Variants in TTLL11 observed in about 807,000 individuals in gnomAD.
The protein encoded by TTLL11 is tubulin tyrosine ligase like 11, also known as tubulin polyglutamylase TTLL11.
In TTLL11, 42 loss-of-function variants were observed where a neutral mutation model predicts 51.7. That is an observed-to-expected ratio of 0.81 (90% CI 0.64 to 1.05). TTLL11 has a LOEUF of 1.05. TTLL11 is among the 50% of genes least tolerant of loss of function. The pLI is 0.00. For missense variants in TTLL11, 799 were observed against 940.4 expected (o/e 0.85, Z 1.97); for synonymous variants, 381 against 383.5 (o/e 0.99, Z 0.08).
Position 121,864,541 on chromosome 9 carries a change from T to C in TTLL11, c.1734-4098A>G, listed in dbSNP as rs115787982. 9.3e-3 allele frequency among the ~76,000 whole-genome samples: 1,421 copies of C among 152,278 alleles called. 10 individuals carry two copies. Among genetic ancestry groups the C allele is most frequent in the African/African-American group, 0.014 (569 of 41,560 alleles). On this transcript the variant is annotated intron_variant, in intron 7 of 8. Coordinates refer to ENST00000321582, the MANE Select transcript of TTLL11 (RefSeq NM_001139442.2). ...GTAACCTTGTGCAGGTCATGGAAGC[T>C]CTCTGCGTCTACATTAGGAAATTTC...
chr9:121,996,762 T>C (rs1843280491), intron 3 of TTLL11, among the ~76,000 whole-genome samples: 1 of 152,258 alleles, frequency 6.6e-6, no homozygotes, highest in South Asian at 2.1e-4. Flanking sequence ...TTGGAATAAG[T>C]ACTCTCTTTC....
intron 6 of TTLL11, among the ~76,000 whole-genome samples, chr9:121,879,186 G>T (rs1205326515): frequency 6.6e-6 from 1 of 152,046 alleles, no homozygotes; most frequent in Non-Finnish European, 1.5e-5. Context: ...CATCTCAAGG[G>T]GCCCACTGTC....
chr9:121,963,502 A>G (rs565849582), intron 6 of TTLL11: 7 of 152,372 alleles, frequency 4.6e-5, no homozygotes, highest in Admixed American at 3.9e-4. Context: ...GGAAGGGCCC[A>G]CAAAGAATTC....
chr9:122,044,252 C>CT (rs1276112299), intron 1 of TTLL11, among the ~76,000 whole-genome samples: 1 of 151,930 alleles, frequency 6.6e-6, no homozygotes, highest in East Asian at 1.9e-4. Context: ...TTAATCCAGT[C>CT]TATCATTGTT....
intron 6 of TTLL11, among the ~76,000 whole-genome samples, chr9:121,921,949 A>G (rs904665689): frequency 2.6e-5 from 4 of 152,350 alleles, no homozygotes; most frequent in Admixed American, 6.5e-5. Flanking sequence ...GGGAAGCCTG[A>G]CACAGTCACA....
chr9:121,997,694 T>C (rs1564348819), intron 3 of TTLL11, among the ~76,000 whole-genome samples: 1 of 152,310 alleles, frequency 6.6e-6, no homozygotes, highest in East Asian at 1.9e-4. Flanking sequence ...TAGCATTTCA[T>C]TTAATTTGTA....
intron 4 of TTLL11, among the ~76,000 whole-genome samples, chr9:121,978,443 A>G (rs1254013187): frequency 1.3e-5 from 2 of 148,732 alleles, no homozygotes; most frequent in African/African-American, 2.5e-5. Context: ...GTTCCCAAGG[A>G]AAAAGCTTTA....
intron 1 of TTLL11, among the ~76,000 whole-genome samples, chr9:122,066,740 C>G (rs993584684): frequency 1.3e-5 from 2 of 152,154 alleles, no homozygotes; most frequent in African/African-American, 2.4e-5. Context: ...GTAGTATGGT[C>G]CGTTTTCATA....
intron 8 of TTLL11, among the ~76,000 whole-genome samples, chr9:121,856,841 G>A (rs746707233): frequency 3.3e-4 from 50 of 152,230 alleles, no homozygotes; most frequent in Non-Finnish European, 7.2e-4. Context: ...ACACCATGGA[G>A]GGAAGAAAAG....
At chr9:121,893,356 G>A (rs1839333222) in intron 6 of TTLL11, among the ~76,000 whole-genome samples, 1 of 151,924 alleles carries the variant, frequency 6.6e-6, no homozygotes, top group African/African-American at 2.4e-5. Flanking sequence ...GCATATGTGT[G>A]TGTGTGTGTG....
intron 8 of TTLL11, among the ~76,000 whole-genome samples, chr9:121,847,082 C>T (rs1186758059): frequency 1.7e-4 from 26 of 151,976 alleles, no homozygotes; most frequent in African/African-American, 5.8e-4. Context: ...TGGTGGCTGG[C>T]GCCTATAGTC....
Position 121,964,288 on chromosome 9 carries a change from TTTTTTGTTTTTTG to T in TTLL11, c.1481+9708_1481+9720del, listed in dbSNP as rs533478004. ...AAACAAGCTCAAATTTCTTTTCCTT[TTTTTTGTTTTTTG>T]TTTTTTGTTTTTTGGAGACTGAGTC... On this transcript the variant is annotated intron_variant, in intron 6 of 8. Coordinates refer to ENST00000321582, the MANE Select transcript of TTLL11 (RefSeq NM_001139442.2). 3.6e-3 allele frequency among the ~76,000 whole-genome samples: 544 copies of T among 151,662 alleles called. 3 individuals are homozygous for T. The highest frequency in any genetic ancestry group is 0.013 in the African/African-American group (522 of 41,236).
intron 8 of TTLL11, among the ~76,000 whole-genome samples, chr9:121,835,378 T>G (rs1343831395): frequency 6.6e-6 from 1 of 152,038 alleles, no homozygotes; most frequent in South Asian, 2.1e-4. Flanking sequence ...TGGAGAGTGG[T>G]AAGTGGTGGT....
intron 2 of TTLL11, 34 bp from the exon 3 acceptor site, chr9:122,031,890 C>T: frequency 6.3e-7 from 1 of 1,597,890 alleles, no homozygotes; most frequent in South Asian, 1.1e-5. Context: ...GTTTTAACAA[C>T]AGTGGGCTAC....
At chr9:121,996,957 C>T (rs909120281) in intron 3 of TTLL11, among the ~76,000 whole-genome samples, 1 of 152,172 alleles carries the variant, frequency 6.6e-6, no homozygotes, top group South Asian at 2.1e-4. Flanking sequence ...TTCTGGGCCA[C>T]GCTGCCCTTT....
At chr9:121,861,450 C>T (rs1182531476) in intron 7 of TTLL11, among the ~76,000 whole-genome samples, 2 of 152,110 alleles carry the variant, frequency 1.3e-5, no homozygotes, top group Admixed American at 1.3e-4. Flanking sequence ...AACATTTCAC[C>T]TTTCTGAGTC....
chr9:121,937,757 A>G (rs1487615258), intron 6 of TTLL11, among the ~76,000 whole-genome samples: 1 of 152,174 alleles, frequency 6.6e-6, no homozygotes, highest in Non-Finnish European at 1.5e-5. Flanking sequence ...ATTTAAATTT[A>G]AAAGAAAGAA....
At chr9:121,861,370 C>A (rs1307721858) in intron 7 of TTLL11, among the ~76,000 whole-genome samples, 1 of 152,178 alleles carries the variant, frequency 6.6e-6, no homozygotes, top group Non-Finnish European at 1.5e-5. Flanking sequence ...AGCCACTGTG[C>A]CTGGCCAGGA....
At chr9:121,843,092 T>C (rs1008360912) in intron 8 of TTLL11, among the ~76,000 whole-genome samples, 1 of 152,012 alleles carries the variant, frequency 6.6e-6, no homozygotes, top group Non-Finnish European at 1.5e-5. Flanking sequence ...ATCCCAGCAC[T>C]ATGGGGGCCG....
Sources: allele counts gnomAD v4.1 joint callset (sites outside exome capture counted in the v4.1 genomes callset), GRCh38; gene constraint gnomAD v4.1.1; transcripts MANE v1.5; gene names NCBI Gene and HGNC (gene_info 2026-07-23, HGNC 2026-07-21).